The following MIPOL1 variants were observed in gnomAD, a reference collection of about 807,000 sequenced individuals.
The protein encoded by MIPOL1 is mirror-image polydactyly gene 1 protein.
In MIPOL1, 57 loss-of-function variants were observed where a neutral mutation model predicts 60.9. The ratio of observed to expected loss-of-function variants is 0.94; its 90% CI spans 0.76 to 1.17. The LOEUF is 1.17. Among genes scored for constraint, MIPOL1 ranks in the 50% most tolerant of loss-of-function variants. The pLI is 0.00. For synonymous variants in MIPOL1, 179 were observed against 168.8 expected, an observed-to-expected ratio of 1.06 and a Z score of -0.47; for missense variants, 551 against 511.6, an observed-to-expected ratio of 1.08 and a Z score of -0.74.
chr14:37,389,208 A>C (rs2093163797), intron 10 of MIPOL1, among the ~76,000 whole-genome samples: 1 of 151,624 alleles, frequency 6.6e-6, no homozygotes, highest in Admixed American at 6.6e-5. Context: ...TACCAGAAAC[A>C]CTAAAAAAGA....
At chr14:37,450,044 A>G (rs2094395295) in intron 11 of MIPOL1, among the ~76,000 whole-genome samples, 1 of 152,060 alleles carries the variant, frequency 6.6e-6, no homozygotes, top group Non-Finnish European at 1.5e-5. Context: ...AACTCCTGAC[A>G]TCAACTGATC....
In MIPOL1 at chr14:37,307,972, G is replaced by C. The variant is rs2086927706; in HGVS notation, c.624-84G>C. 9 of 1,095,518 alleles carry C rather than the reference G, an allele frequency of 8.2e-6. 1 individual carries two copies. Among genetic ancestry groups the C allele is most frequent in the Admixed American group, 2.0e-5 (1 of 48,896 alleles). 67.9% of individuals were successfully genotyped at this position (1,095,518 alleles called of 1,614,324 possible). ...AGACTAGTCGAATGAAATTACTTGA[G>C]GTTCTAAAGATTTAAAAAGCGAACT... On this transcript the variant is annotated intron_variant, in intron 7 of 12. Coordinates refer to ENST00000684589, the MANE Select transcript of MIPOL1 (RefSeq NM_001388067.1).
intron 3 of MIPOL1, among the ~76,000 whole-genome samples, chr14:37,263,244 A>G (rs371145433): frequency 6.6e-6 from 1 of 152,170 alleles, no homozygotes; most frequent in Admixed American, 6.5e-5. Context: ...GAAGCAAGCA[A>G]TAATTCATTA....
At chr14:37,356,559 ACT>A (rs1270928313) in intron 9 of MIPOL1, among the ~76,000 whole-genome samples, 9 of 151,904 alleles carry the variant, frequency 5.9e-5, no homozygotes, top group South Asian at 4.2e-4. Flanking sequence ...AATCAGCGAG[ACT>A]CTGTGGGTGT....
chr14:37,469,432 AC>A (rs768852915), intron 11 of MIPOL1, among the ~76,000 whole-genome samples: 33 of 151,700 alleles, frequency 2.2e-4, no homozygotes, highest in Non-Finnish European at 3.8e-4. Flanking sequence ...ATGAGAAACC[AC>A]CCCCATTATC....
At chr14:37,345,463 A>G (rs1285589808) in intron 9 of MIPOL1, among the ~76,000 whole-genome samples, 1 of 152,208 alleles carries the variant, frequency 6.6e-6, no homozygotes, top group Non-Finnish European at 1.5e-5. Flanking sequence ...TGTTCAGTGC[A>G]CTTCAGTTAC....
intron 9 of MIPOL1, among the ~76,000 whole-genome samples, chr14:37,311,530 C>T (rs2087320483): frequency 6.6e-6 from 1 of 152,178 alleles, no homozygotes; most frequent in African/African-American, 2.4e-5. Context: ...TGCAAGCCCT[C>T]TGGCTCAATA....
chr14:37,423,809 A>G (rs1028633794), intron 11 of MIPOL1: 2 of 152,172 alleles, frequency 1.3e-5, no homozygotes, highest in African/African-American at 4.8e-5. Flanking sequence ...CTGAAGTACA[A>G]TTAAGAAAAT....
intron 3 of MIPOL1, 95 bp downstream of exon 3, chr14:37,248,002 A>C (rs1973443546): frequency 3.9e-6 from 5 of 1,284,578 alleles, no homozygotes; most frequent in Non-Finnish European, 5.6e-6. Context: ...TATATTAGAC[A>C]GAGGTAGACA....
At chr14:37,317,789 T>C (rs1595103588) in intron 9 of MIPOL1, among the ~76,000 whole-genome samples, 2 of 152,292 alleles carry the variant, frequency 1.3e-5, no homozygotes, top group Middle Eastern at 6.8e-3. Flanking sequence ...TCCAGATATT[T>C]TTCTGTGTAA....
intron 12 of MIPOL1, chr14:37,545,646 T>G (rs1355042464): frequency 1.5e-6 from 1 of 648,350 alleles, no homozygotes; most frequent in Non-Finnish European, 2.8e-6. Flanking sequence ...TGTTTTATTT[T>G]CCTGTTTTTT....
At chr14:37,249,827 AAAC>A (rs981193235) in intron 3 of MIPOL1, among the ~76,000 whole-genome samples, 1 of 152,190 alleles carries the variant, frequency 6.6e-6, no homozygotes, top group African/African-American at 2.4e-5. Context: ...TGTTAAAAAA[AAAC>A]AAAAAGGAAG....
intron 11 of MIPOL1, among the ~76,000 whole-genome samples, chr14:37,467,563 A>T (rs2153586429): frequency 6.6e-6 from 1 of 152,326 alleles, no homozygotes; most frequent in Admixed American, 6.5e-5. Context: ...AGTAGAAGTT[A>T]CCTTCGGGAG....
chr14:37,234,603 G>A (rs1471519935), intron 1 of MIPOL1, among the ~76,000 whole-genome samples: 1 of 151,938 alleles, frequency 6.6e-6, no homozygotes, highest in African/African-American at 2.4e-5. Flanking sequence ...CCAGAGTGCT[G>A]GTATTACAGG....
intron 9 of MIPOL1, among the ~76,000 whole-genome samples, chr14:37,339,994 A>G (rs2090449430): frequency 6.6e-6 from 1 of 152,220 alleles, no homozygotes; most frequent in African/African-American, 2.4e-5. Flanking sequence ...CTTACCTGAA[A>G]TAAAACCCCT....
In MIPOL1 at chr14:37,495,043, G is replaced by A. The variant is rs569668689; in HGVS notation, c.1032-4865G>A. Among the ~76,000 whole-genome samples the A allele has an allele frequency of 7.3e-5, 11 of 151,486 alleles. No homozygotes were observed. The East Asian group carries it at 2.1e-3, about 29-fold the overall frequency. Reference sequence around the variant, plus strand: ...AGGAGTGATTAGGAAATTAAATCAGGATGCTCATAATTTTCATAATGGTGA... The same window carrying A: ...AGGAGTGATTAGGAAATTAAATCAGAATGCTCATAATTTTCATAATGGTGA... On this transcript the variant is annotated intron_variant, in intron 11 of 12. Coordinates refer to ENST00000684589, the MANE Select transcript of MIPOL1 (RefSeq NM_001388067.1).
chr14:37,343,720 C>T lies in MIPOL1; in HGVS notation c.829-25797C>T, dbSNP rs111443660. On this transcript the variant is annotated intron_variant, in intron 9 of 12. Coordinates refer to ENST00000684589, the MANE Select transcript of MIPOL1 (RefSeq NM_001388067.1). ...TAAAGAACATAGAACAGAATCATTA[C>T]GATTTTCTGCATGATATAATTCTTC... Among the ~76,000 whole-genome samples the T allele has an allele frequency of 9.9e-3, 1,502 of 152,176 alleles. 9 individuals carry two copies. The highest frequency in any genetic ancestry group is 0.031 in the Middle Eastern group (9 of 294).
chr14:37,366,952 C>A (rs2092490441), intron 9 of MIPOL1, among the ~76,000 whole-genome samples: 1 of 151,824 alleles, frequency 6.6e-6, no homozygotes, highest in Non-Finnish European at 1.5e-5. Flanking sequence ...TTTGTTTTGT[C>A]TGATATAAGC....
At chr14:37,529,723 G>T (rs556277670) in intron 12 of MIPOL1, among the ~76,000 whole-genome samples, 1 of 152,180 alleles carries the variant, frequency 6.6e-6, no homozygotes, top group South Asian at 2.1e-4. Context: ...AAGAAGAGAG[G>T]GTAATACAGA....
Sources: allele counts gnomAD v4.1 joint callset (sites outside exome capture counted in the v4.1 genomes callset), GRCh38; gene constraint gnomAD v4.1.1; transcripts MANE v1.5; gene names NCBI Gene and HGNC (gene_info 2026-07-23, HGNC 2026-07-21).